Variants in PSG1 observed in about 807,000 individuals in gnomAD.
The protein encoded by PSG1 is pregnancy specific beta-1-glycoprotein 1.
PSG1 carries 60 observed loss-of-function variants against 41.4 expected under a neutral mutation model. That is an observed-to-expected ratio of 1.45 (90% CI 1.18 to 1.80). The LOEUF is 1.80. PSG1 is among the 40% of genes most tolerant of loss of function. PSG1 has a pLI of 0.00. For synonymous variants in PSG1, 256 were observed against 192.9 expected (o/e 1.33, Z -2.71); for missense variants, 806 against 516.9 (o/e 1.56, Z -5.42).
chr19:42,879,062 C>T (rs10422560), intron 1 of PSG1, among the ~76,000 whole-genome samples: 54,172 of 145,570 alleles, frequency 0.37, 11,263 homozygotes, highest in African/African-American at 0.54. Context: ...CAATTCCGGT[C>T]CAATACGACT....
intron 2 of PSG1, among the ~76,000 whole-genome samples, chr19:42,873,436 C>A (rs188725458): frequency 2.6e-5 from 4 of 151,400 alleles, no homozygotes; most frequent in African/African-American, 9.7e-5. Flanking sequence ...TGTAATTTTT[C>A]CGTAAAAATT....
chr19:42,879,103 G>A (rs1971751518), intron 1 of PSG1, among the ~76,000 whole-genome samples: 1 of 150,720 alleles, frequency 6.6e-6, no homozygotes, highest in South Asian at 2.1e-4. Flanking sequence ...CCTCTCTGGT[G>A]TATTTTCCCC....
chr19:42,869,735 GGTGGCTTTGGAGCAGAAGCAT>G (rs1267319350), intron 3 of PSG1: 2 of 152,266 alleles, frequency 1.3e-5, no homozygotes, highest in African/African-American at 4.8e-5. Flanking sequence ...GGCAAGAGCT[GGTGGCTTTGGAGCAGAAGCAT>G]GTTCCCTGTC....
rs547482148 is a variant in PSG1, at chr19:42,869,314, G to T, written c.710-280C>A. 4.0e-5 allele frequency: 27 copies of T among 670,214 alleles called. 1 individual carries two copies. The African/African-American group carries it at 4.2e-4, about 10-fold the overall frequency. The allele number at this position is 670,214 out of a possible 1,614,324, so 41.5% of individuals were successfully genotyped here. A position where few individuals can be genotyped will look rare whatever the true frequency, so the allele number is the denominator to read the frequency against. The stretch of plus-strand genomic sequence containing the variant: ...ACGTCAGTGGGAGTCACAGCCCCTG[G>T]TACCCTTCCCAGGCCCTCCCTAATC... On this transcript the variant is annotated intron_variant, in intron 3 of 5. Coordinates refer to ENST00000436291, the MANE Select transcript of PSG1 (RefSeq NM_001184825.2).
rs187228347 is a variant in PSG1, at chr19:42,879,502, G to A, written c.64+16C>T. On this transcript the variant is annotated intron_variant, in intron 1 of 5. Coordinates refer to ENST00000436291, the MANE Select transcript of PSG1 (RefSeq NM_001184825.2). The stretch of plus-strand genomic sequence containing the variant: ...GCTTCCTCCTCCTGTCCTCTCCCAG[G>A]AAGTTCTCTCCTCACCTGTGAGCAG... 563 of 1,608,266 alleles carry A rather than the reference G, an allele frequency of 3.5e-4. 8 individuals are homozygous for A. In the African/African-American group the frequency reaches 6.6e-3, roughly 19 times the overall value.
intron 2 of PSG1, among the ~76,000 whole-genome samples, chr19:42,876,110 C>T (rs920577360): frequency 3.3e-5 from 5 of 151,162 alleles, no homozygotes; most frequent in African/African-American, 4.9e-5. Flanking sequence ...AACTGAACAG[C>T]CAGAGTGGTT....
At chr19:42,871,444 T>A (rs1971378763) in intron 3 of PSG1, among the ~76,000 whole-genome samples, 1 of 151,656 alleles carries the variant, frequency 6.6e-6, no homozygotes, top group African/African-American at 2.4e-5. Context: ...ACAATCACAG[T>A]GACCCTGTGA....
chr19:42,873,226 GTTTTGGATGTCTAATTATT>G (rs751171183), intron 2 of PSG1, among the ~76,000 whole-genome samples: 14 of 151,708 alleles, frequency 9.2e-5, no homozygotes, highest in Non-Finnish European at 1.9e-4. Flanking sequence ...GAAACTAAGT[GTTTTGGATGTCTAATTATT>G]TTTTTATTTT....
chr19:42,871,834 G>T lies in PSG1; in HGVS notation c.642C>A (p.Pro214=), dbSNP rs150081035. 147 of 1,612,466 alleles carry T rather than the reference G, an allele frequency of 9.1e-5. 5 individuals are homozygous for T. The Middle Eastern group carries it at 9.9e-4, about 11-fold the overall frequency. ...CTGGGTTCCGTATTTCACATTCATA[G>T]GGTCCTGCAGTATACTTTGTGACAC... is the stretch of plus-strand genomic sequence containing the variant. The part of the protein sequence containing the change: ...LLGVTKYTAG[P]YECEIRNPVS... The change falls in exon 3 of 6, where the codon CCC becomes CCA. Residue 214 remains proline, a synonymous_variant. Transcript: ENST00000436291.
At chr19:42,879,221 C>G (rs945011073) in intron 1 of PSG1, among the ~76,000 whole-genome samples, 1 of 148,720 alleles carries the variant, frequency 6.7e-6, no homozygotes, top group African/African-American at 2.5e-5. Flanking sequence ...GGTGCTATCT[C>G]AGCTATCTGC....
chr19:42,867,432 C>T (rs61423170), intron 5 of PSG1: 75,818 of 572,434 alleles, frequency 0.13, 6,350 homozygotes, highest in Admixed American at 0.18. Context: ...GAGATTAAAT[C>T]TTCACAAACC....
At chr19:42,871,269 A>C (rs1397629461) in intron 3 of PSG1, among the ~76,000 whole-genome samples, 1 of 151,672 alleles carries the variant, frequency 6.6e-6, no homozygotes, top group Non-Finnish European at 1.5e-5. Context: ...ATGCTCTGCC[A>C]GTGGATGGAG....
chr19:42,868,727 T>G, intron 4 of PSG1, 29 bp downstream of exon 4: 1 of 1,609,432 alleles, frequency 6.2e-7, no homozygotes, highest in Non-Finnish European at 8.5e-7. Context: ...GCTGGTGTCC[T>G]GGCCCACAGA....
rs185186763 is a variant in PSG1 at position 42,869,215 on chromosome 19, C to T, written c.710-181G>A. 405 of 1,361,358 alleles carry T rather than the reference C, an allele frequency of 3.0e-4. 7 individuals are homozygous for T. The highest frequency in any genetic ancestry group is 1.8e-4 in the Admixed American group (7 of 39,862). 84.3% of individuals were successfully genotyped at this position (1,361,358 alleles called of 1,614,324 possible). On this transcript the variant is annotated intron_variant, in intron 3 of 5. Transcript: ENST00000436291. ...TCTAAGGGCTCAAAGACTGTGAGGC[C>T]GCCTTCTCTGTCTTAGGGAAGCACA...
rs540489072 is a variant in PSG1 at position 42,873,889 on chromosome 19, T to A, written c.431-1844A>T. 5.9e-5 allele frequency among the ~76,000 whole-genome samples: 9 copies of A among 151,808 alleles called. No individual in the cohort carries two copies. In the East Asian group the frequency reaches 1.6e-3, roughly 26 times the overall value. On this transcript the variant is annotated intron_variant, in intron 2 of 5. Coordinates refer to ENST00000436291, the MANE Select transcript of PSG1 (RefSeq NM_001184825.2). ...TGTGAAATGCTTTCTTCATTTTCTC[T>A]TAAGCTCAGGAAACACCACTAGAGT...
Position 42,879,544 on chromosome 19 carries a change from A to T in PSG1, c.38T>A (p.Ile13Asn). Reference protein sequence around the residue: ...TLSAPPCTQRIKWKGLLLTAS... With the variant: ...TLSAPPCTQRNKWKGLLLTAS... ...TGTGAGCAGGAGCCCCTTCCATTTG[A>T]TGCGCTGTGTGCAGGGAGGGGCTGA... Residue 13 changes from isoleucine to asparagine, a missense_variant, in exon 1 of 6, where the codon ATC (isoleucine) becomes AAC (asparagine). Physicochemically the swap from Ile to Asn is moderately radical, Grantham distance 149. Coordinates refer to ENST00000436291, the MANE Select transcript of PSG1 (RefSeq NM_001184825.2). The T allele has an allele frequency of 6.2e-7, 1 of 1,610,456 alleles. No individual in the cohort carries two copies. The highest frequency in any genetic ancestry group is 8.5e-7 in the Non-Finnish European group (1 of 1,178,184).
At position 42,878,228 on chromosome 19, in the gene PSG1, C is replaced by A. The variant is rs761576243; in HGVS notation, c.115G>T (p.Glu39Ter). 3 of 1,610,946 alleles carry A rather than the reference C, an allele frequency of 1.9e-6. No individual in the cohort carries two copies. In the Admixed American group the frequency reaches 5.0e-5, roughly 27 times the overall value. Residue 39 changes from glutamate to a stop codon, truncating the protein, a stop_gained, in exon 2 of 6, where the codon GAA becomes TAA. Transcript: ENST00000436291. LOFTEE classifies it high-confidence loss of function. ...NLPTTAQVTI[E>*]AEPTKVSEGK... is the part of the protein sequence containing the mutation. The stretch of plus-strand genomic sequence containing the variant: ...TCGGAAACTTTGGTTGGCTCGGCTT[C>A]AATCGTGACTTGGGCAGTGGTGGGC...
chr19:42,871,391 C>G (rs10403207), intron 3 of PSG1, among the ~76,000 whole-genome samples: 5 of 151,172 alleles, frequency 3.3e-5, no homozygotes, highest in Admixed American at 2.0e-4. Context: ...GTCACAGGCA[C>G]TATTGTCAGA....
intron 2 of PSG1, among the ~76,000 whole-genome samples, chr19:42,875,485 T>C (rs1971564606): frequency 1.3e-5 from 2 of 151,824 alleles, no homozygotes; most frequent in African/African-American, 4.8e-5. Context: ...TCTTTTGAGA[T>C]GTTTCTCATT....
Sources: allele counts gnomAD v4.1 joint callset (sites outside exome capture counted in the v4.1 genomes callset), GRCh38; gene constraint gnomAD v4.1.1; transcripts MANE v1.5; gene names NCBI Gene and HGNC (gene_info 2026-07-23, HGNC 2026-07-21).